The following SLC4A1AP variants were observed in gnomAD, a reference collection of about 807,000 sequenced individuals.
SLC4A1AP encodes the protein kanadaptin.
In SLC4A1AP, 64 loss-of-function variants were observed where a neutral mutation model predicts 89.7. That is an observed-to-expected ratio of 0.71 (90% CI 0.58 to 0.88). The LOEUF (loss-of-function observed/expected upper bound fraction) is 0.88. Ranked by LOEUF, SLC4A1AP falls within the 40% of genes least tolerant of loss-of-function variation. The pLI is 0.00. For synonymous variants in SLC4A1AP, 366 were observed against 353.3 expected (o/e 1.04, Z -0.40); for missense variants, 931 against 965.0 (o/e 0.96, Z 0.47).
intron 8 of SLC4A1AP, among the ~76,000 whole-genome samples, chr2:27,680,235 G>A (rs1675597544): frequency 1.3e-5 from 2 of 152,156 alleles, no homozygotes; most frequent in South Asian, 4.1e-4. Context: ...CAATGGGGAA[G>A]GCAACTGGGT....
intron 5 of SLC4A1AP, among the ~76,000 whole-genome samples, chr2:27,673,466 T>C (rs75726629): frequency 8.4e-6 from 1 of 118,756 alleles, no homozygotes; most frequent in African/African-American, 3.1e-5. Context: ...CTTCCTTCTT[T>C]CCTTCCTCCC....
chr2:27,685,796 T>G (rs1675696011), intron 10 of SLC4A1AP, among the ~76,000 whole-genome samples: 1 of 152,174 alleles, frequency 6.6e-6, no homozygotes, highest in African/African-American at 2.4e-5. Flanking sequence ...TCAGCAAATA[T>G]TTGATGAAAA....
chr2:27,667,430 C>G, intron 3 of SLC4A1AP, 40 bp downstream of exon 3: 1 of 1,572,854 alleles, frequency 6.4e-7, no homozygotes, highest in Non-Finnish European at 8.6e-7. Context: ...AAAACATATC[C>G]AGAGCAGTGT....
intron 12 of SLC4A1AP, chr2:27,692,198 G>T (rs1430207702): frequency 6.6e-6 from 1 of 152,166 alleles, no homozygotes; most frequent in South Asian, 2.1e-4. Flanking sequence ...TTGATAACTT[G>T]TGTCACTATT....
In SLC4A1AP at chr2:27,682,239, T is replaced by C; in HGVS notation, c.1764-9T>C. 6.3e-7 allele frequency: 1 copy of C among 1,585,288 alleles called. No individual in the cohort carries two copies. The highest frequency in any genetic ancestry group is 8.6e-7 in the Non-Finnish European group (1 of 1,157,256). On this transcript the variant is annotated splice_polypyrimidine_tract_variant and intron_variant, in intron 8 of 13. Transcript: ENST00000613058. ...GGAATAGATGTGTATAATTATTCTT[T>C]CTTCCTAGGACTGAAACTCAGACTA...
chr2:27,666,277 AT>A (rs968836780), intron 2 of SLC4A1AP, among the ~76,000 whole-genome samples: 2 of 130,948 alleles, frequency 1.5e-5, no homozygotes, highest in African/African-American at 5.6e-5. Context: ...GGGAAACTTA[AT>A]TTTTTTTATT....
chr2:27,686,290 T>TA (rs1675704681), intron 10 of SLC4A1AP, among the ~76,000 whole-genome samples: 2 of 152,200 alleles, frequency 1.3e-5, no homozygotes, highest in Non-Finnish European at 2.9e-5. Context: ...TCTGCATTTG[T>TA]CCTTTTCAAA....
intron 8 of SLC4A1AP, among the ~76,000 whole-genome samples, chr2:27,681,238 A>G (rs1467353249): frequency 6.6e-6 from 1 of 152,200 alleles, no homozygotes; most frequent in African/African-American, 2.4e-5. Flanking sequence ...CTTCATGGCC[A>G]GGCAGGCAGC....
At position 27,669,367 on chromosome 2, in the gene SLC4A1AP, G is replaced by A. The variant is rs767156354; in HGVS notation, c.1325G>A (p.Gly442Glu). Residue 442 changes from glycine (G) to glutamate (E), a missense_variant, in exon 5 of 14, where the codon GGA becomes GAA. Physicochemically the swap from Gly to Glu is moderately conservative, Grantham distance 98 (BLOSUM62 -2). Transcript: ENST00000613058. ...GCTTGTCGGATTCTTGACACTTTGGGATTGCTTCGGCAGGAAGCAGGTCAG... is the reference window on the plus strand; with the variant it reads ...GCTTGTCGGATTCTTGACACTTTGGAATTGCTTCGGCAGGAAGCAGGTCAG... 7 of 1,610,894 alleles carry A rather than the reference G, an allele frequency of 4.3e-6. No individual in the cohort carries two copies. The highest frequency in any genetic ancestry group is 2.2e-5 in the East Asian group (1 of 44,792).
At position 27,691,171 on chromosome 2, in the gene SLC4A1AP, G is replaced by A. The variant is rs556086502; in HGVS notation, c.2271+2404G>A. Among the ~76,000 whole-genome samples, 3 of 151,972 alleles carry A rather than the reference G, an allele frequency of 2.0e-5. No homozygotes were observed. In the South Asian group the frequency reaches 6.2e-4, roughly 32 times the overall value. ...CTGACTGTGAATCCTTCTGGTCCTG[G>A]GCTTTTTTTTGTTGGTGGTAATATT... On this transcript the variant is annotated intron_variant, in intron 12 of 13. Coordinates refer to ENST00000613058, the Ensembl canonical transcript of SLC4A1AP.
At chr2:27,663,968 G>A (rs61744925) in exon 1 of SLC4A1AP, 32 of 1,614,064 alleles carry the variant, frequency 2.0e-5, no homozygotes, top group Non-Finnish European at 2.4e-5. Flanking sequence ...ACCTCAGTGG[G>A]GACTTCAAGA....
At chr2:27,665,755 A>G (rs995740862) in intron 2 of SLC4A1AP, among the ~76,000 whole-genome samples, 2 of 152,242 alleles carry the variant, frequency 1.3e-5, no homozygotes, top group Non-Finnish European at 2.9e-5. Context: ...CTGGTCCCTT[A>G]GCCAAAATAA....
chr2:27,685,725 T>G (rs1180826038), intron 10 of SLC4A1AP, among the ~76,000 whole-genome samples: 1 of 152,198 alleles, frequency 6.6e-6, no homozygotes, highest in Admixed American at 6.5e-5. Flanking sequence ...AGAAGGATCT[T>G]GCTTCATTCA....
chr2:27,666,349 T>TCCC (rs1675319256), intron 2 of SLC4A1AP, among the ~76,000 whole-genome samples: 7 of 2,316 alleles, frequency 3.0e-3, no homozygotes, highest in Non-Finnish European at 9.7e-3. Context: ...GACCTTGTGA[T>TCCC]CCACCCCCCA....
intron 5 of SLC4A1AP, among the ~76,000 whole-genome samples, chr2:27,673,670 A>G (rs1209023069): frequency 2.0e-5 from 3 of 152,114 alleles, no homozygotes; most frequent in Non-Finnish European, 4.4e-5. Context: ...AGGTCTTGCT[A>G]TGTTGCCCAG....
At chr2:27,690,346 C>T (rs1675771522) in intron 12 of SLC4A1AP, among the ~76,000 whole-genome samples, 1 of 152,132 alleles carries the variant, frequency 6.6e-6, no homozygotes, top group Non-Finnish European at 1.5e-5. Flanking sequence ...CATCATACCA[C>T]TCTGTATGCC....
intron 6 of SLC4A1AP, among the ~76,000 whole-genome samples, chr2:27,676,204 G>C (rs545106881): frequency 2.4e-4 from 37 of 152,306 alleles, no homozygotes; most frequent in Admixed American, 1.6e-3. Flanking sequence ...TAATAATGCA[G>C]AGCTTGACCA....
chr2:27,680,941 T>G (rs1449312174), intron 8 of SLC4A1AP, among the ~76,000 whole-genome samples: 1 of 152,116 alleles, frequency 6.6e-6, no homozygotes, highest in African/African-American at 2.4e-5. Context: ...CCCTTTCCTA[T>G]TTTGGATACT....
chr2:27,673,626 G>T (rs1269798838), intron 5 of SLC4A1AP, among the ~76,000 whole-genome samples: 4 of 152,072 alleles, frequency 2.6e-5, no homozygotes. Context: ...ACCATGCCCA[G>T]CTACTTTTTT....
Sources: allele counts gnomAD v4.1 joint callset (sites outside exome capture counted in the v4.1 genomes callset), GRCh38; gene constraint gnomAD v4.1.1; transcripts MANE v1.5; gene names NCBI Gene and HGNC (gene_info 2026-07-23, HGNC 2026-07-21).